ZNF641: variants seen among roughly 807,000 people sequenced by gnomAD.
ZNF641 encodes zinc finger protein 641.
A neutral mutation model predicts 46.2 loss-of-function variants in ZNF641; 26 were observed. That is an observed-to-expected ratio of 0.56 (90% CI 0.41 to 0.78). ZNF641 has a LOEUF of 0.78. ZNF641 is among the 30% of genes least tolerant of loss of function. The probability of loss-of-function intolerance (pLI) is 0.00; values close to 1 mark genes in which losing one functional copy is unlikely to be tolerated. For synonymous variants in ZNF641, 163 were observed against 187.9 expected (o/e 0.87, Z 1.09); for missense variants, 469 against 517.8 (o/e 0.91, Z 0.91).
chr12:48,344,704 T>C lies in ZNF641; in HGVS notation c.415A>G (p.Ile139Val), dbSNP rs1425770809. 6.2e-6 allele frequency: 10 copies of C among 1,605,194 alleles called. No individual in the cohort carries two copies. The highest frequency in any genetic ancestry group is 1.3e-5 in the African/African-American group (1 of 74,572). The change falls in exon 5 of 6, where the codon ATT (isoleucine) becomes GTT (valine). Residue 139 changes from isoleucine to valine, a missense_variant. Around this residue, in one of 3 missense-constraint regions of ZNF641, gnomAD observed 346 missense variants for 354.0 expected, o/e 0.98. Coordinates refer to ENST00000547026, the MANE Select transcript of ZNF641 (RefSeq NM_001172681.2). ...TGAGAAAGCATGTCCAGTTTGGGAA[T>C]TGGAAATCCTGCTCATGGGAAAGGA... is the stretch of plus-strand genomic sequence containing the variant. Reference protein sequence around the residue: ...CGIVVSLRFPIPKLDMLSQLE... With the variant: ...CGIVVSLRFPVPKLDMLSQLE...
Position 48,343,199 on chromosome 12 carries a change from C to T in ZNF641, c.1049G>A (p.Arg350His), listed in dbSNP as rs746733336. 2.5e-5 allele frequency: 41 copies of T among 1,614,036 alleles called. No individual in the cohort carries two copies. Among genetic ancestry groups the T allele is most frequent in the East Asian group, 2.2e-4 (10 of 44,882 alleles). Residue 350 changes from arginine to histidine, a missense_variant, in exon 6 of 6, where the codon CGT (arginine) becomes CAT (histidine). Around this residue, in one of 3 missense-constraint regions of ZNF641, gnomAD observed 346 missense variants for 354.0 expected, o/e 0.98. Transcript: ENST00000547026. Reference sequence around the variant, plus strand: ...GTGACACTTTGGCACTGGTGGGGCACGCTGCCGTTTCCTTGTGCCAGGGCT... The same window carrying T: ...GTGACACTTTGGCACTGGTGGGGCATGCTGCCGTTTCCTTGTGCCAGGGCT... Reference protein sequence around the residue: ...GESPGTRKRQRAPPVPKCHVC... With the variant: ...GESPGTRKRQHAPPVPKCHVC...
rs1592141018 is a variant in ZNF641 at position 48,342,178 on chromosome 12, G to A, written c.*795C>T. The A allele has an allele frequency of 6.1e-6, 6 of 985,418 alleles. No homozygotes were observed. In the South Asian group the frequency reaches 1.9e-4, roughly 31 times the overall value. The allele number at this position is 985,418 out of a possible 1,614,324, so 61.0% of individuals were successfully genotyped here. On this transcript the variant is annotated 3_prime_UTR_variant, in exon 6 of 6. Coordinates refer to ENST00000547026, the MANE Select transcript of ZNF641 (RefSeq NM_001172681.2). ...TTTGGGGGTATTAGATCATCTCTTA[G>A]CCTTGTAGTGTGATCTCTCAGCTGG...
chr12:48,335,037 C>G (rs11833210), downstream of ZNF641, among the ~76,000 whole-genome samples: 25 of 152,318 alleles, frequency 1.6e-4, no homozygotes, highest in African/African-American at 2.2e-4. Context: ...GCGCCTCCCC[C>G]CCACCATGGG....
downstream of ZNF641, among the ~76,000 whole-genome samples, chr12:48,334,858 C>T (rs1207767517): frequency 6.6e-6 from 1 of 152,074 alleles, no homozygotes; most frequent in Non-Finnish European, 1.5e-5. Flanking sequence ...GCACCTGTAC[C>T]CTCCCTATGG....
upstream of ZNF641, chr12:48,351,031 AGG>A (rs1953025261): frequency 1.8e-5 from 1 of 56,108 alleles, no homozygotes; most frequent in Non-Finnish European, 4.0e-5. Context: ...AGTGGGAGGG[AGG>A]GAGGGAGGGA....
chr12:48,347,586 G>A (rs951985697), intron 2 of ZNF641, among the ~76,000 whole-genome samples: 1 of 152,244 alleles, frequency 6.6e-6, no homozygotes, highest in Non-Finnish European at 1.5e-5. Flanking sequence ...TTTTCATCTA[G>A]TAAATTACAT....
rs754211244 is a variant in ZNF641, at chr12:48,343,638, A to G, written c.610T>C (p.Trp204Arg). The G allele has an allele frequency of 6.3e-6, 10 of 1,593,462 alleles. No individual in the cohort carries two copies. Among genetic ancestry groups the G allele is most frequent in the African/African-American group, 4.0e-5 (3 of 74,184 alleles). Reference sequence around the variant, plus strand: ...CAGCTCTCATCATGCTCCGGGTTCCAGAGAACAGTATCTTCAGACACGCTG... The same window carrying G: ...CAGCTCTCATCATGCTCCGGGTTCCGGAGAACAGTATCTTCAGACACGCTG... ...LSSVSEDTVL[W>R]NPEHDESWDS... The change falls in exon 6 of 6, where the codon TGG (tryptophan) becomes CGG (arginine). Residue 204 changes from tryptophan to arginine, a missense_variant. Transcript: ENST00000547026.
In ZNF641 at chr12:48,338,973, G is replaced by A. The variant is rs531403449; in HGVS notation, c.*4000C>T. 2.0e-5 allele frequency: 3 copies of A among 152,280 alleles called. No individual in the cohort carries two copies. Among genetic ancestry groups the A allele is most frequent in the South Asian group, 2.1e-4 (1 of 4,814 alleles). 9.4% of individuals were successfully genotyped at this position (152,280 alleles called of 1,614,324 possible). ...CAAGGCAAAGGAGAATCATTTCCTC[G>A]GATGTCAGTTTTTCAGTTTTACATT... On this transcript the variant is annotated 3_prime_UTR_variant, in exon 6 of 6. Transcript: ENST00000547026.
chr12:48,340,313 T>C lies in ZNF641; in HGVS notation c.*2660A>G. The C allele has an allele frequency of 1.0e-6, 1 of 985,440 alleles. No homozygotes were observed. 61.0% of individuals were successfully genotyped at this position (985,440 alleles called of 1,614,324 possible). On this transcript the variant is annotated 3_prime_UTR_variant, in exon 6 of 6. Coordinates refer to ENST00000547026, the MANE Select transcript of ZNF641 (RefSeq NM_001172681.2). Reference sequence around the variant, plus strand: ...CTCTGGGGGCTTCACTTTCTATCCCTACAATTACTCAAACAGATAAAAGGC... The same window carrying C: ...CTCTGGGGGCTTCACTTTCTATCCCCACAATTACTCAAACAGATAAAAGGC...
Position 48,342,112 on chromosome 12 carries a change from G to A in ZNF641, c.*861C>T. The stretch of plus-strand genomic sequence containing the variant: ...AGAGGGGACTGTTCAAGGGGATAAA[G>A]TTTTTTTTGTTTTTCTGTTTTTCTG... On this transcript the variant is annotated 3_prime_UTR_variant, in exon 6 of 6. Coordinates refer to ENST00000547026, the MANE Select transcript of ZNF641 (RefSeq NM_001172681.2). 1.0e-6 allele frequency: 1 copy of A among 985,296 alleles called. No individual in the cohort carries two copies. The allele number at this position is 985,296 out of a possible 1,614,324, so 61.0% of individuals were successfully genotyped here.
chr12:48,350,099 G>A (rs1193926281), intron 1 of ZNF641: 2 of 1,614,106 alleles, frequency 1.2e-6, no homozygotes, highest in South Asian at 1.1e-5. Flanking sequence ...CACCTGGGCG[G>A]TTAAGGTGGT....
chr12:48,337,828 C>CA lies in ZNF641; in HGVS notation c.*5144dup, dbSNP rs1219184008. 0.012 allele frequency: 1,520 copies of CA among 125,980 alleles called. 21 individuals are homozygous for CA. The highest frequency in any genetic ancestry group is 0.025 in the African/African-American group (864 of 34,268). 7.8% of individuals were successfully genotyped at this position (125,980 alleles called of 1,614,324 possible). On this transcript the variant is annotated 3_prime_UTR_variant, in exon 6 of 6. Transcript: ENST00000547026. ...TGGGTGACAGAGCAAGACTCCATCT[C>CA]AAAAAAAAAAAAAGAGAGAGTTTGA...
Position 48,343,558 on chromosome 12 carries a change from C to G in ZNF641, c.690G>C (p.Gln230His). Reference protein sequence around the residue: ...RGMLLGPPFLQEDSFSNLLCS... With the variant: ...RGMLLGPPFLHEDSFSNLLCS... Reference sequence around the variant, plus strand: ...ACAGCAGGTTTGAGAAACTATCTTCCTGAAGAAAAGGGGGCCCCAGGAGCA... The same window carrying G: ...ACAGCAGGTTTGAGAAACTATCTTCGTGAAGAAAAGGGGGCCCCAGGAGCA... Residue 230 changes from glutamine to histidine, a missense_variant, in exon 6 of 6, where the codon CAG (glutamine) becomes CAC (histidine). By Grantham distance (24) the Gln-to-His change is conservative. Around this residue, in one of 3 missense-constraint regions of ZNF641, gnomAD observed 346 missense variants for 354.0 expected, o/e 0.98. Coordinates refer to ENST00000547026, the MANE Select transcript of ZNF641 (RefSeq NM_001172681.2). 6.2e-7 allele frequency: 1 copy of G among 1,605,510 alleles called. No individual in the cohort carries two copies. The highest frequency in any genetic ancestry group is 1.3e-5 in the African/African-American group (1 of 74,750).
upstream of ZNF641, chr12:48,350,988 G>GGGAGTGGGAGGGAGAGA (rs1565997382): frequency 2.2e-5 from 5 of 223,356 alleles, no homozygotes; most frequent in Middle Eastern, 2.2e-3. Flanking sequence ...CGGAGGTGCG[G>GGGAGTGGGAGGGAGAGA]GGAGTGGGAG....
Position 48,341,278 on chromosome 12 carries a change from G to A in ZNF641, c.*1695C>T. On this transcript the variant is annotated 3_prime_UTR_variant, in exon 6 of 6. Transcript: ENST00000547026. ...ATCTTAGGGAAGAAACAGTATCTAA[G>A]CATTAAAGAGAAAATATCCCACTTT... The A allele has an allele frequency of 1.0e-6, 1 of 985,370 alleles. No homozygotes were observed. The highest frequency in any genetic ancestry group is 1.2e-6 in the Non-Finnish European group (1 of 829,936). 61.0% of individuals were successfully genotyped at this position (985,370 alleles called of 1,614,324 possible). A position where few individuals can be genotyped will look rare whatever the true frequency, so the allele number is the denominator to read the frequency against.
Position 48,341,518 on chromosome 12 carries a change from G to A in ZNF641, c.*1455C>T. 2 of 985,404 alleles carry A rather than the reference G, an allele frequency of 2.0e-6. No individual in the cohort carries two copies. The highest frequency in any genetic ancestry group is 2.4e-6 in the Non-Finnish European group (2 of 829,932). 61.0% of individuals were successfully genotyped at this position (985,404 alleles called of 1,614,324 possible). A position where few individuals can be genotyped will look rare whatever the true frequency, so the allele number is the denominator to read the frequency against. ...AACCAACCAGAAAGCTTATTACCCTGCAGCAGCTGAAAAGCTAAGCCACAG... is the reference window on the plus strand; with the variant it reads ...AACCAACCAGAAAGCTTATTACCCTACAGCAGCTGAAAAGCTAAGCCACAG... On this transcript the variant is annotated 3_prime_UTR_variant, in exon 6 of 6. Coordinates refer to ENST00000547026, the MANE Select transcript of ZNF641 (RefSeq NM_001172681.2).
Position 48,347,992 on chromosome 12 carries a change from T to C in ZNF641, c.99A>G (p.Glu33=). Residue 33 remains glutamate (E), a synonymous_variant, in exon 2 of 6, where the codon GAA becomes GAG. Transcript: ENST00000547026. ...CTGGTACTGTTCTCCATGGCCGCTCTTCCTGGCTTCCCCTTTCCACCTGGG... is the reference window on the plus strand; with the variant it reads ...CTGGTACTGTTCTCCATGGCCGCTCCTCCTGGCTTCCCCTTTCCACCTGGG... The part of the protein sequence containing the change: ...AEPQVERGSQ[E]ERPWRTVPGP... 6.2e-7 allele frequency: 1 copy of C among 1,614,270 alleles called. No individual in the cohort carries two copies. The highest frequency in any genetic ancestry group is 8.5e-7 in the Non-Finnish European group (1 of 1,180,040).
intron 3 of ZNF641, 140 bp downstream of exon 3, chr12:48,347,112 A>G: frequency 6.9e-7 from 1 of 1,455,540 alleles, no homozygotes; most frequent in South Asian, 1.3e-5. Context: ...ACCCCTTGGA[A>G]AGGGATAGAA....
At chr12:48,348,400 T>TA (rs771410869) in intron 1 of ZNF641, among the ~76,000 whole-genome samples, 8 of 151,622 alleles carry the variant, frequency 5.3e-5, no homozygotes, top group South Asian at 4.2e-4. Flanking sequence ...GAAGTTCATT[T>TA]AAAAAAAAAG....
Sources: allele counts gnomAD v4.1 joint callset (sites outside exome capture counted in the v4.1 genomes callset), GRCh38; gene constraint gnomAD v4.1.1; regional missense constraint gnomAD v4.1.1; transcripts MANE v1.5; gene names NCBI Gene and HGNC (gene_info 2026-07-23, HGNC 2026-07-21).